EML4: variants seen among roughly 807,000 people sequenced by gnomAD.
EML4 encodes the protein echinoderm microtubule-associated protein-like 4.
EML4 carries 72 observed loss-of-function variants against 129.0 expected under a neutral mutation model. That is an observed-to-expected ratio of 0.56 (90% CI 0.46 to 0.68). EML4 has a LOEUF of 0.68. Among genes scored for constraint, EML4 ranks in the 30% least tolerant of loss-of-function variants. The pLI is 0.00. For missense variants in EML4, 1,363 were observed against 1,190.6 expected, an observed-to-expected ratio of 1.14 and a Z score of -2.13; for synonymous variants, 532 against 405.0, an observed-to-expected ratio of 1.31 and a Z score of -3.77.
chr2:42,183,576 GGTATAT>G (rs1018943196), intron 1 of EML4, among the ~76,000 whole-genome samples: 5 of 151,962 alleles, frequency 3.3e-5, no homozygotes, highest in Non-Finnish European at 5.9e-5. Context: ...ATAGGTTTTT[GGTATAT>G]GTATATGTAT....
At chr2:42,294,318 T>C (rs1667824326) in intron 11 of EML4, among the ~76,000 whole-genome samples, 2 of 152,200 alleles carry the variant, frequency 1.3e-5, no homozygotes, top group South Asian at 4.1e-4. Flanking sequence ...TTAATTTCTG[T>C]AGGAATCAGT....
chr2:42,313,936 C>CA (rs373565249), intron 17 of EML4, among the ~76,000 whole-genome samples: 22,323 of 114,680 alleles, frequency 0.19, 1,907 homozygotes, highest in South Asian at 0.34. Context: ...GACTCCGTCT[C>CA]AAAAAAAAAA....
intron 5 of EML4, among the ~76,000 whole-genome samples, chr2:42,264,274 C>T (rs887912165): frequency 3.3e-5 from 5 of 151,898 alleles, no homozygotes; most frequent in Non-Finnish European, 7.4e-5. Context: ...GCCACCATGC[C>T]CAACTAATGT....
intron 1 of EML4, among the ~76,000 whole-genome samples, chr2:42,238,232 C>G (rs1473577576): frequency 6.6e-6 from 1 of 152,058 alleles, no homozygotes; most frequent in African/African-American, 2.4e-5. Flanking sequence ...CTTCTGGTAC[C>G]AAGCAATTCA....
At chr2:42,322,851 T>G (rs1399914022) in intron 19 of EML4, among the ~76,000 whole-genome samples, 1 of 152,230 alleles carries the variant, frequency 6.6e-6, no homozygotes, top group African/African-American at 2.4e-5. Flanking sequence ...ATTTCATCTT[T>G]TCTTTGCTTA....
intron 1 of EML4, among the ~76,000 whole-genome samples, chr2:42,187,086 C>G (rs1183501457): frequency 6.6e-6 from 1 of 151,408 alleles, no homozygotes; most frequent in Non-Finnish European, 1.5e-5. Context: ...CTCTGTTGCC[C>G]AGGCTGGAGT....
rs560243810 is a variant in EML4, at chr2:42,297,085, A to G, written c.1489+1569A>G. On this transcript the variant is annotated intron_variant, in intron 13 of 22. Transcript: ENST00000318522. ...CTCCTATCTCAATCATTGGCCATAT[A>G]TTCTTAGCCTCTTTCGTTCAGTTTA... Among the ~76,000 whole-genome samples, 20 of 152,342 alleles carry G rather than the reference A, an allele frequency of 1.3e-4. No homozygotes were observed. The South Asian group carries it at 2.5e-3, about 19-fold the overall frequency.
intron 7 of EML4, 56 bp downstream of exon 7, chr2:42,281,029 C>A: frequency 1.5e-6 from 2 of 1,341,136 alleles, no homozygotes; most frequent in Non-Finnish European, 2.0e-6. Flanking sequence ...GTTAACAAAT[C>A]AGTTAACGTA....
At chr2:42,307,444 G>A (rs1316795941) in intron 17 of EML4, among the ~76,000 whole-genome samples, 1 of 152,142 alleles carries the variant, frequency 6.6e-6, no homozygotes, top group East Asian at 1.9e-4. Context: ...TGTTCATTCT[G>A]TATGTAACTC....
In EML4 at chr2:42,330,032, A is replaced by G. The variant is rs374325735; in HGVS notation, c.2771A>G (p.Glu924Gly). The change falls in exon 23 of 23, where the codon GAG becomes GGG. Residue 924 changes from glutamate (E) to glycine (G), a missense_variant. Glu to Gly is a moderately conservative substitution (Grantham distance 98). Coordinates refer to ENST00000318522, the MANE Select transcript of EML4 (RefSeq NM_019063.5). Reference sequence around the variant, plus strand: ...ATAAGCAGTTCTCCCACACTTCTGGAGAACAGCCTGGAACAAACTGTGGAG... The same window carrying G: ...ATAAGCAGTTCTCCCACACTTCTGGGGAACAGCCTGGAACAAACTGTGGAG... ...SRISSSPTLLENSLEQTVEPS... is the reference protein window; with the variant it reads ...SRISSSPTLLGNSLEQTVEPS... 28 of 1,613,556 alleles carry G rather than the reference A, an allele frequency of 1.7e-5. No individual in the cohort carries two copies. Among genetic ancestry groups the G allele is most frequent in the Non-Finnish European group, 2.3e-5 (27 of 1,179,970 alleles).
intron 1 of EML4, among the ~76,000 whole-genome samples, chr2:42,188,757 C>G (rs1474349138): frequency 3.9e-5 from 6 of 152,076 alleles, no homozygotes; most frequent in Admixed American, 2.0e-4. Flanking sequence ...AACTACTGAC[C>G]TCAGGTGATC....
chr2:42,207,334 A>G (rs968796343), intron 1 of EML4, among the ~76,000 whole-genome samples: 6 of 152,332 alleles, frequency 3.9e-5, no homozygotes, highest in Middle Eastern at 3.4e-3. Context: ...TAGTTTTCAC[A>G]TAAGTAATTT....
chr2:42,189,908 C>T (rs1275695742), intron 1 of EML4, among the ~76,000 whole-genome samples: 4 of 151,852 alleles, frequency 2.6e-5, no homozygotes, highest in Non-Finnish European at 5.9e-5. Context: ...TAATCCATTT[C>T]CTTGGTTACT....
At chr2:42,257,753 C>T (rs141095182) in intron 3 of EML4, among the ~76,000 whole-genome samples, 2,981 of 151,256 alleles carry the variant, frequency 0.02, 103 homozygotes, top group African/African-American at 0.068. Flanking sequence ...AGGAGAATGG[C>T]GTGAACCCAG....
chr2:42,216,057 C>G (rs535773663), intron 1 of EML4, among the ~76,000 whole-genome samples: 1 of 151,514 alleles, frequency 6.6e-6, no homozygotes. Flanking sequence ...GTAGCTGAGA[C>G]TACAGGCACC....
At chr2:42,305,123 AT>A (rs1668519381) in intron 17 of EML4, among the ~76,000 whole-genome samples, 1 of 152,158 alleles carries the variant, frequency 6.6e-6, no homozygotes. Flanking sequence ...CTCAAAAAAA[AT>A]AATAAGGCGA....
intron 1 of EML4, among the ~76,000 whole-genome samples, chr2:42,221,677 C>T (rs1673609910): frequency 6.6e-6 from 1 of 151,910 alleles, no homozygotes; most frequent in Non-Finnish European, 1.5e-5. Flanking sequence ...GATCTCGGCT[C>T]ATCACAGCCT....
rs1304085493 is a variant in EML4, at chr2:42,198,194, G to A, written c.25+28558G>A. Reference sequence around the variant, plus strand: ...ACCAGAACTTCTTAAGGGAGATAGAGGGAGTCTGACTTAAAATTGAATTTT... The same window carrying A: ...ACCAGAACTTCTTAAGGGAGATAGAAGGAGTCTGACTTAAAATTGAATTTT... On this transcript the variant is annotated intron_variant, in intron 1 of 22. Transcript: ENST00000318522. Among the ~76,000 whole-genome samples the A allele has an allele frequency of 2.6e-5, 4 of 152,174 alleles. No homozygotes were observed. The East Asian group carries it at 7.7e-4, about 29-fold the overall frequency.
rs1315681960 is a variant in EML4, at chr2:42,295,139, T to G, written c.1233T>G (p.Val411=). ...CCTTTTCATAGACAACAAATGAAGTTGTTTTGGCTGTGGAGTTTCACCCAA... is the reference window on the plus strand; with the variant it reads ...CCTTTTCATAGACAACAAATGAAGTGGTTTTGGCTGTGGAGTTTCACCCAA... ...KGAEIKTTNE[V]VLAVEFHPTD... is the part of the protein sequence containing the mutation. The change falls in exon 12 of 23, where the codon GTT becomes GTG. Residue 411 remains valine, a synonymous_variant. Transcript: ENST00000318522. The G allele has an allele frequency of 2.5e-6, 4 of 1,610,100 alleles. No homozygotes were observed. In the African/African-American group the frequency reaches 5.3e-5, roughly 22 times the overall value.
Sources: gnomAD v4.1 joint callset for allele counts (sites outside exome capture counted in the v4.1 genomes callset) on GRCh38, gnomAD v4.1.1 for gene constraint, MANE v1.5 for transcripts, NCBI Gene and HGNC (gene_info 2026-07-23, HGNC 2026-07-21) for gene names.